The following FBXL7 variants were observed in gnomAD, a reference collection of about 807,000 sequenced individuals.
The protein encoded by FBXL7 is F-box/LRR-repeat protein 7.
A neutral mutation model predicts 38.3 loss-of-function variants in FBXL7; 12 were observed. The ratio of observed to expected loss-of-function variants is 0.31; its 90% CI spans 0.20 to 0.51. FBXL7 has a LOEUF of 0.51. Ranked by LOEUF, FBXL7 falls within the 20% of genes least tolerant of loss-of-function variation. FBXL7 has a pLI of 0.98. For synonymous variants in FBXL7, 297 were observed against 300.9 expected, an observed-to-expected ratio of 0.99 and a Z score of 0.13; for missense variants, 567 against 676.4, an observed-to-expected ratio of 0.84 and a Z score of 1.79.
At chr5:15,704,005 T>C (rs1579392085) in intron 2 of FBXL7, among the ~76,000 whole-genome samples, 1 of 152,116 alleles carries the variant, frequency 6.6e-6, no homozygotes, top group African/African-American at 2.4e-5. Context: ...AGAGGGCTGG[T>C]AATTGCACAG....
chr5:15,516,843 C>T (rs565255887), intron 1 of FBXL7, among the ~76,000 whole-genome samples: 154 of 152,204 alleles, frequency 1.0e-3, no homozygotes, highest in African/African-American at 3.4e-3. Context: ...AGGAAGGACG[C>T]ATTTGCTTCC....
At chr5:15,779,495 C>A (rs1349655464) in intron 2 of FBXL7, among the ~76,000 whole-genome samples, 3 of 151,700 alleles carry the variant, frequency 2.0e-5, no homozygotes, top group Admixed American at 6.6e-5. Flanking sequence ...TTTTAAAAAG[C>A]TATCAAAAAA....
At position 15,928,273 on chromosome 5, in the gene FBXL7, A is replaced by C. The variant is rs754616675; in HGVS notation, c.511A>C (p.Lys171Gln). The change falls in exon 3 of 4, where the codon AAG (lysine) becomes CAG (glutamine). Residue 171 changes from lysine (K) to glutamine (Q), a missense_variant. Physicochemically the swap from Lys to Gln is moderately conservative, Grantham distance 53 (BLOSUM62 1). Transcript: ENST00000504595. The surrounding 1 kb of genome is among the most constrained non-coding windows in gnomAD (Gnocchi z 4.0). ...GACCATCAACGTGGACCGCGCCCTC[A>C]AGGTGCTGACCCGCAGACTCTGCCA... ...GETINVDRAL[K>Q]VLTRRLCQDT... is the part of the protein sequence containing the mutation. The C allele has an allele frequency of 6.2e-7, 1 of 1,612,744 alleles. No individual in the cohort carries two copies. The highest frequency in any genetic ancestry group is 8.5e-7 in the Non-Finnish European group (1 of 1,179,364).
chr5:15,553,834 C>T (rs1470110965), intron 1 of FBXL7, among the ~76,000 whole-genome samples: 3 of 152,182 alleles, frequency 2.0e-5, no homozygotes. Context: ...TGGAGGGAGG[C>T]TTAGTGGGTT....
chr5:15,794,822 A>G (rs558243161), intron 2 of FBXL7, among the ~76,000 whole-genome samples: 13 of 152,186 alleles, frequency 8.5e-5, no homozygotes, highest in Non-Finnish European at 1.6e-4. Context: ...ACCTAATAAT[A>G]ATGTAAGAGG....
chr5:15,936,189 A>G lies in FBXL7; in HGVS notation c.740-261A>G, dbSNP rs2126473365. ...CTAAATGTCAGGCAAGTAGGGACAG[A>G]TGACAGATCAGGAATTGGAACCATG... On this transcript the variant is annotated intron_variant, in intron 3 of 3. Coordinates refer to ENST00000504595, the MANE Select transcript of FBXL7 (RefSeq NM_012304.5). This position sits in a 1 kb window ranked among gnomAD's most constrained non-coding sequence, Gnocchi z 6.0. Among the ~76,000 whole-genome samples, 1 of 152,378 alleles carries G rather than the reference A, an allele frequency of 6.6e-6. No individual in the cohort carries two copies. The highest frequency in any genetic ancestry group is 1.9e-4 in the East Asian group (1 of 5,188).
At chr5:15,801,186 A>G (rs1183931227) in intron 2 of FBXL7, among the ~76,000 whole-genome samples, 1 of 152,210 alleles carries the variant, frequency 6.6e-6, no homozygotes, top group African/African-American at 2.4e-5. Flanking sequence ...TACAAAATAC[A>G]TTTGCAATAA....
At chr5:15,633,570 C>A (rs2126544317) in intron 2 of FBXL7, among the ~76,000 whole-genome samples, 1 of 151,788 alleles carries the variant, frequency 6.6e-6, no homozygotes, top group East Asian at 1.9e-4. Context: ...ACTGAAGTTC[C>A]AACACAAGGT....
chr5:15,572,548 C>T (rs895338415), intron 1 of FBXL7, among the ~76,000 whole-genome samples: 2 of 152,184 alleles, frequency 1.3e-5, no homozygotes, highest in African/African-American at 4.8e-5. Context: ...CAGCTCCTGT[C>T]ATCTTTGACT....
intron 2 of FBXL7, among the ~76,000 whole-genome samples, chr5:15,737,092 G>A (rs1048668193): frequency 6.6e-6 from 1 of 152,156 alleles, no homozygotes; most frequent in African/African-American, 2.4e-5. Flanking sequence ...GTAAATGACA[G>A]CATTTAAGAT....
At chr5:15,840,042 T>C (rs1738701473) in intron 2 of FBXL7, among the ~76,000 whole-genome samples, 1 of 152,254 alleles carries the variant, frequency 6.6e-6, no homozygotes, top group African/African-American at 2.4e-5. Context: ...CTTCTGTCTT[T>C]ATGTCCTTCT....
At chr5:15,542,324 T>C (rs927956333) in intron 1 of FBXL7, among the ~76,000 whole-genome samples, 1 of 152,224 alleles carries the variant, frequency 6.6e-6, no homozygotes, top group Non-Finnish European at 1.5e-5. Context: ...TGATACAGTG[T>C]GAGTATGCAC....
At chr5:15,665,276 T>C (rs1188622300) in intron 2 of FBXL7, among the ~76,000 whole-genome samples, 1 of 152,210 alleles carries the variant, frequency 6.6e-6, no homozygotes, top group Non-Finnish European at 1.5e-5. Context: ...AGCTTACTAA[T>C]GAGTGAAACT....
At chr5:15,761,367 T>G (rs1736435627) in intron 2 of FBXL7, among the ~76,000 whole-genome samples, 1 of 152,186 alleles carries the variant, frequency 6.6e-6, no homozygotes, top group African/African-American at 2.4e-5. Flanking sequence ...CCCAAAGATG[T>G]TCTCCTGCCC....
intron 2 of FBXL7, among the ~76,000 whole-genome samples, chr5:15,738,809 T>G (rs1735822549): frequency 6.6e-6 from 1 of 152,184 alleles, no homozygotes. Context: ...GAATCAAACA[T>G]TCTGTAGGGA....
In FBXL7 at chr5:15,927,764, TAAAAAAAAA is replaced by T. The variant is rs753935096; in HGVS notation, c.128-111_128-103del. 1.6e-3 allele frequency: 750 copies of T among 455,650 alleles called. 1 individual carries two copies. Among genetic ancestry groups the T allele is most frequent in the Middle Eastern group, 2.8e-3 (4 of 1,444 alleles). The allele number at this position is 455,650 out of a possible 1,614,324, so 28.2% of individuals were successfully genotyped here. ...CACTCCCGCCTGGGCGACAAGATCT[TAAAAAAAAA>T]AAAAAAAAAAAAAAGAAGAAGAAAG... is the stretch of plus-strand genomic sequence containing the variant. On this transcript the variant is annotated intron_variant, in intron 2 of 3. Transcript: ENST00000504595.
chr5:15,851,761 G>A (rs913294710), intron 2 of FBXL7, among the ~76,000 whole-genome samples: 2 of 150,912 alleles, frequency 1.3e-5, no homozygotes, highest in African/African-American at 4.9e-5. Flanking sequence ...CCTGTGTATT[G>A]CTATTCTCAC....
At chr5:15,766,018 G>A (rs1212692549) in intron 2 of FBXL7, among the ~76,000 whole-genome samples, 1 of 140,206 alleles carries the variant, frequency 7.1e-6, no homozygotes, top group East Asian at 2.0e-4. Flanking sequence ...ATCTATATCT[G>A]TCTGTCTGTC....
chr5:15,841,203 G>T (rs1055383833), intron 2 of FBXL7, among the ~76,000 whole-genome samples: 1 of 151,666 alleles, frequency 6.6e-6, no homozygotes, highest in Admixed American at 6.6e-5. Flanking sequence ...GGTTTTTTTG[G>T]TAGTGGTTGG....
Sources: allele counts gnomAD v4.1 joint callset (sites outside exome capture counted in the v4.1 genomes callset), GRCh38; gene constraint gnomAD v4.1.1; non-coding constraint Gnocchi (gnomAD v3.1); transcripts MANE v1.5; gene names NCBI Gene and HGNC (gene_info 2026-07-23, HGNC 2026-07-21).